Variants in BTBD8 observed in about 807,000 individuals in gnomAD.
BTBD8 encodes BTB/POZ domain-containing protein 8.
Under a neutral mutation model 162.9 loss-of-function variants are expected in BTBD8, and 110 were observed. The observed-to-expected ratio is 0.68, with a 90% CI of 0.58 to 0.79. The LOEUF is 0.79. Among genes scored for constraint, BTBD8 ranks in the 30% least tolerant of loss-of-function variants. The probability of loss-of-function intolerance (pLI) is 0.00; values close to 1 mark genes in which losing one functional copy is unlikely to be tolerated. For synonymous variants in BTBD8, 667 were observed against 716.1 expected (o/e 0.93, Z 1.10); for missense variants, 1,905 against 2,085.4 (o/e 0.91, Z 1.68).
chr1:92,169,504 T>A (rs1280907567), intron 12 of BTBD8, among the ~76,000 whole-genome samples: 3 of 152,158 alleles, frequency 2.0e-5, no homozygotes, highest in Non-Finnish European at 1.5e-5. Context: ...CAGTGGTCTG[T>A]GACATTTAAT....
At chr1:92,129,228 G>T (rs1334977757) in intron 4 of BTBD8, among the ~76,000 whole-genome samples, 1 of 152,100 alleles carries the variant, frequency 6.6e-6, no homozygotes. Flanking sequence ...AAAATGCTTA[G>T]TTATAAATCC....
chr1:92,126,042 C>G (rs1311872179), intron 4 of BTBD8: 4 of 483,492 alleles, frequency 8.3e-6, no homozygotes, highest in Non-Finnish European at 1.7e-5. Context: ...GGGAAGCACA[C>G]TGAGAATGTG....
chr1:92,180,647 C>G lies in BTBD8; in HGVS notation c.2964C>G (p.His988Gln). ...ACAGTGTTTCTGAACAGAAGCCTCACAAACCTCTCATTAATCTTGCATCTG... is the reference window on the plus strand; with the variant it reads ...ACAGTGTTTCTGAACAGAAGCCTCAGAAACCTCTCATTAATCTTGCATCTG... ...NKDSVSEQKP[H>Q]KPLINLASEI... Residue 988 changes from histidine to glutamine, a missense_variant, in exon 17 of 18, where the codon CAC becomes CAG. His to Gln is a conservative substitution (Grantham distance 24). Transcript: ENST00000636805. The G allele has an allele frequency of 6.4e-7, 1 of 1,551,270 alleles. No individual in the cohort carries two copies. The highest frequency in any genetic ancestry group is 8.7e-7 in the Non-Finnish European group (1 of 1,146,872).
At chr1:92,147,052 T>C (rs1649941993) in intron 7 of BTBD8, 128 bp from the exon 8 acceptor site, 3 of 535,828 alleles carry the variant, frequency 5.6e-6, no homozygotes, top group Non-Finnish European at 9.4e-6. Flanking sequence ...AAATTTTGAA[T>C]TTATCAAATT....
chr1:92,093,411 C>T (rs1318680698), intron 2 of BTBD8, among the ~76,000 whole-genome samples: 1 of 151,996 alleles, frequency 6.6e-6, no homozygotes, highest in Non-Finnish European at 1.5e-5. Context: ...AGGTTGGTCT[C>T]GAACTCCCGA....
At chr1:92,114,434 T>C (rs1009998047) in intron 4 of BTBD8, among the ~76,000 whole-genome samples, 2 of 152,072 alleles carry the variant, frequency 1.3e-5, no homozygotes, top group Non-Finnish European at 2.9e-5. Flanking sequence ...TTAAAAAAGT[T>C]TTTAAAATCT....
chr1:92,156,290 A>T (rs1283669291), intron 9 of BTBD8, among the ~76,000 whole-genome samples: 1 of 152,232 alleles, frequency 6.6e-6, no homozygotes, highest in African/African-American at 2.4e-5. Context: ...ATGGTGAATT[A>T]TCTTTATAAT....
chr1:92,124,272 C>A (rs1031148687), intron 4 of BTBD8, among the ~76,000 whole-genome samples: 4 of 151,770 alleles, frequency 2.6e-5, no homozygotes, highest in African/African-American at 4.8e-5. Flanking sequence ...TTTTTTGCTT[C>A]TTTTCTTAAA....
intron 4 of BTBD8, chr1:92,126,499 C>T: frequency 1.7e-6 from 1 of 580,610 alleles, no homozygotes; most frequent in South Asian, 1.4e-5. Flanking sequence ...TTCTCCTCTC[C>T]TCAATCCTCT....
intron 2 of BTBD8, among the ~76,000 whole-genome samples, chr1:92,098,579 TG>T (rs1648512146): frequency 6.6e-6 from 1 of 152,058 alleles, no homozygotes; most frequent in Non-Finnish European, 1.5e-5. Flanking sequence ...ACATGTTATC[TG>T]TTTTTTTTTA....
intron 4 of BTBD8, chr1:92,114,687 G>A (rs971831621): frequency 1.3e-5 from 2 of 159,812 alleles, no homozygotes; most frequent in African/African-American, 4.8e-5. Context: ...TACAAACTGT[G>A]AGGAGGGGAG....
At chr1:92,127,735 ATTTTTAGTAGAGGTGGGCT>A (rs1649397348) in intron 4 of BTBD8, among the ~76,000 whole-genome samples, 1 of 151,806 alleles carries the variant, frequency 6.6e-6, no homozygotes. Context: ...TAATTTTTGT[ATTTTTAGTAGAGGTGGGCT>A]TTTACCATGT....
chr1:92,141,258 A>G, intron 7 of BTBD8, 47 bp downstream of exon 7: 2 of 1,528,662 alleles, frequency 1.3e-6, no homozygotes, highest in Non-Finnish European at 1.8e-6. Context: ...ATTGTCACCC[A>G]TTATTACCTG....
intron 9 of BTBD8, among the ~76,000 whole-genome samples, chr1:92,164,582 G>T (rs2100663835): frequency 6.6e-6 from 1 of 151,774 alleles, no homozygotes; most frequent in Non-Finnish European, 1.5e-5. Flanking sequence ...TTGCACCACT[G>T]CACCCCAGCC....
intron 9 of BTBD8, among the ~76,000 whole-genome samples, chr1:92,148,441 A>G (rs1649975489): frequency 6.6e-6 from 1 of 152,218 alleles, no homozygotes; most frequent in Non-Finnish European, 1.5e-5. Context: ...ATCATCCTGA[A>G]GCAGCTGGCT....
chr1:92,142,470 A>G (rs1032397401), intron 7 of BTBD8, among the ~76,000 whole-genome samples: 6 of 152,234 alleles, frequency 3.9e-5, no homozygotes, highest in Admixed American at 3.3e-4. Flanking sequence ...AGCTTGGAGT[A>G]TGTCTGAGAA....
At chr1:92,154,457 T>G (rs1650114417) in intron 9 of BTBD8, among the ~76,000 whole-genome samples, 1 of 152,188 alleles carries the variant, frequency 6.6e-6, no homozygotes, top group Admixed American at 6.5e-5. Flanking sequence ...TTATCTTTTA[T>G]TTTTTTGATC....
At chr1:92,180,077 A>T (rs900694441) in intron 16 of BTBD8, among the ~76,000 whole-genome samples, 188 bp from the exon 17 acceptor site, 1 of 152,094 alleles carries the variant, frequency 6.6e-6, no homozygotes, top group Non-Finnish European at 1.5e-5. Context: ...TTAATTGAAA[A>T]AATTTTTTTA....
chr1:92,167,333 C>T (rs1373351611), intron 10 of BTBD8, among the ~76,000 whole-genome samples, 193 bp downstream of exon 10: 1 of 152,250 alleles, frequency 6.6e-6, no homozygotes, highest in Non-Finnish European at 1.5e-5. Context: ...ATGAGAAAGG[C>T]GAGAGGGACA....
Sources: allele counts gnomAD v4.1 joint callset (sites outside exome capture counted in the v4.1 genomes callset), GRCh38; gene constraint gnomAD v4.1.1; transcripts MANE v1.5; gene names NCBI Gene and HGNC (gene_info 2026-07-23, HGNC 2026-07-21).